The following MAPK6 variants were observed in gnomAD, a reference collection of about 807,000 sequenced individuals.
MAPK6 encodes mitogen-activated protein kinase 6.
A neutral mutation model predicts 59.3 loss-of-function variants in MAPK6; 19 were observed. The ratio of observed to expected loss-of-function variants is 0.32; its 90% confidence interval spans 0.22 to 0.47. The LOEUF is 0.47. Ranked by LOEUF, MAPK6 falls within the 20% of genes least tolerant of loss-of-function variation. The probability of loss-of-function intolerance (pLI) is 1.00; values close to 1 mark genes in which losing one functional copy is unlikely to be tolerated. For missense variants in MAPK6, 724 were observed against 847.9 expected, an observed-to-expected ratio of 0.85 and a Z score of 1.81; for synonymous variants, 316 against 290.3, an observed-to-expected ratio of 1.09 and a Z score of -0.90.
In MAPK6 at chr15:51,995,238, AGCGACCCTTGG is replaced by A. The variant is rs557363581; in HGVS notation, c.-769-9024_-769-9014del. Among the ~76,000 whole-genome samples the A allele has an allele frequency of 2.0e-4, 30 of 152,346 alleles. No homozygotes were observed. The East Asian group carries it at 5.4e-3, about 27-fold the overall frequency. ...ACCTCATGAGGAGCTCTGGAGCTAC[AGCGACCCTTGG>A]GCATTGTCCCAAACCAGCCTGAAAG... On this transcript the variant is annotated intron_variant, in intron 2 of 7. Coordinates refer to the MAPK6 transcript ENST00000691380.
At chr15:52,050,270 G>A (rs1323352568) in intron 3 of MAPK6, 133 bp downstream of exon 3, 10 of 788,956 alleles carry the variant, frequency 1.3e-5, no homozygotes, top group African/African-American at 3.7e-5. Flanking sequence ...ATAAATTGGC[G>A]TTTTTAATAA....
At chr15:52,022,083 G>A (rs1458871710) in intron 1 of MAPK6, among the ~76,000 whole-genome samples, 4 of 152,094 alleles carry the variant, frequency 2.6e-5, no homozygotes, top group African/African-American at 9.7e-5. Context: ...CGGCACTTTG[G>A]GAGCCTGAGG....
upstream of MAPK6, among the ~76,000 whole-genome samples, chr15:52,015,586 T>A (rs953190210): frequency 6.8e-6 from 1 of 148,094 alleles, no homozygotes; most frequent in African/African-American, 2.5e-5. Context: ...CAAGCAATTC[T>A]CCTGCCTCAA....
chr15:52,033,660 G>A (rs1029365846), intron 1 of MAPK6: 1 of 152,084 alleles, frequency 6.6e-6, no homozygotes, highest in African/African-American at 2.4e-5. Context: ...GCTTGACGTG[G>A]GACTTCTTCG....
At chr15:52,028,397 C>T (rs1407741212) in intron 1 of MAPK6, among the ~76,000 whole-genome samples, 2 of 152,104 alleles carry the variant, frequency 1.3e-5, no homozygotes, top group Admixed American at 6.5e-5. Flanking sequence ...AGCCTGTTGA[C>T]TTCTTAAGGA....
chr15:52,021,735 A>G (rs2030536629), intron 1 of MAPK6, among the ~76,000 whole-genome samples: 1 of 152,150 alleles, frequency 6.6e-6, no homozygotes, highest in Non-Finnish European at 1.5e-5. Flanking sequence ...AGTTATCTTT[A>G]TATTTAATAT....
chr15:52,018,724 G>T (rs2030354021), upstream of MAPK6: 5 of 152,626 alleles, frequency 3.3e-5, no homozygotes, highest in African/African-American at 1.2e-4. Flanking sequence ...GCTCCTCCGG[G>T]ATCCAGCTGA....
chr15:52,026,179 C>T (rs372198509), intron 1 of MAPK6, among the ~76,000 whole-genome samples: 3 of 152,198 alleles, frequency 2.0e-5, no homozygotes, highest in East Asian at 3.8e-4. Context: ...TGCCTCTGGC[C>T]TAGTCCCTCT....
chr15:52,041,826 A>G (rs1167567890), intron 1 of MAPK6, among the ~76,000 whole-genome samples: 2 of 152,138 alleles, frequency 1.3e-5, no homozygotes, highest in Non-Finnish European at 2.9e-5. Flanking sequence ...TCAGACCCCC[A>G]GTGTGCAGAT....
At chr15:52,056,849 T>A (rs547118536) in intron 3 of MAPK6, 1 of 135,216 alleles carries the variant, frequency 7.4e-6, no homozygotes, top group Admixed American at 7.7e-5. Context: ...ACTCCTGAAT[T>A]TATGATGACT....
intron 2 of MAPK6, among the ~76,000 whole-genome samples, 188 bp from the exon 3 acceptor site, chr15:52,049,805 G>C (rs1268787738): frequency 6.6e-6 from 1 of 151,860 alleles, no homozygotes; most frequent in Non-Finnish European, 1.5e-5. Context: ...GTAGAGATGG[G>C]GTTTCTCCGG....
In MAPK6 at chr15:52,065,728, A is replaced by G. The variant is rs1316332757; in HGVS notation, c.*728A>G. ...ATAAAAAATTAACTTAGTTTTTAAA[A>G]TTTATTTGCAAATATACTTTACTTT... On this transcript the variant is annotated 3_prime_UTR_variant, in exon 6 of 6. Transcript: ENST00000261845. 6 of 97,560 alleles carry G rather than the reference A, an allele frequency of 6.2e-5. No homozygotes were observed. The highest frequency in any genetic ancestry group is 2.8e-4 in the South Asian group (1 of 3,628). 6.0% of individuals were successfully genotyped at this position (97,560 alleles called of 1,614,324 possible).
At chr15:52,014,066 G>A (rs2030165252) in intron 3 of MAPK6, among the ~76,000 whole-genome samples, 1 of 149,274 alleles carries the variant, frequency 6.7e-6, no homozygotes, top group Admixed American at 6.7e-5. Context: ...TCTTTCATCT[G>A]GGATTTTTTT....
chr15:52,016,070 G>GCGCGCGCGCACA, upstream of MAPK6, among the ~76,000 whole-genome samples: 396 of 55,418 alleles, frequency 7.1e-3, 14 homozygotes, highest in Middle Eastern at 0.021. Flanking sequence ...GCGCGCGCGC[G>GCGCGCGCGCACA]CACACACACA....
rs1191655647 is a variant in MAPK6, at chr15:52,046,306, T to G, written c.-155T>G. ...CTAAGGGGAACTCGACAGGCCTGTT[T>G]GGCATATGCAATGAACATCAAGAAA... On this transcript the variant is annotated 5_prime_UTR_variant, in exon 2 of 6. Transcript: ENST00000261845. 7 of 616,590 alleles carry G rather than the reference T, an allele frequency of 1.1e-5. No homozygotes were observed. In the South Asian group the frequency reaches 1.3e-4, roughly 11 times the overall value. 38.2% of individuals were successfully genotyped at this position (616,590 alleles called of 1,614,324 possible).
rs574240967 is a variant in MAPK6, at chr15:52,028,057, A to T, written c.-632+8681A>T. Among the ~76,000 whole-genome samples, 49 of 138,636 alleles carry T rather than the reference A, an allele frequency of 3.5e-4. 2 individuals are homozygous for T. In the South Asian group the frequency reaches 0.011, roughly 30 times the overall value. The allele number at this position is 138,636 out of a possible 152,430, so 91.0% of individuals were successfully genotyped here. On this transcript the variant is annotated intron_variant, in intron 1 of 5. Transcript: ENST00000261845. ...AAGCTCTGCCTCCCAGGTTCACGCC[A>T]TTCTTCTGCCTCAGCTTTCCGAGTA...
At chr15:51,987,066 A>G (rs34713698) in intron 2 of MAPK6, among the ~76,000 whole-genome samples, 28,723 of 152,210 alleles carry the variant, frequency 0.19, 3,390 homozygotes, top group East Asian at 0.4. Context: ...ACGTATTACC[A>G]TATGCACAGA....
At chr15:51,977,933 T>C (rs1023246023) in intron 1 of MAPK6, among the ~76,000 whole-genome samples, 25 of 151,856 alleles carry the variant, frequency 1.6e-4, no homozygotes, top group African/African-American at 6.0e-4. Flanking sequence ...CAGGAGACCA[T>C]AAATGGGTGC....
chr15:52,040,546 C>G (rs1441218929), intron 1 of MAPK6, among the ~76,000 whole-genome samples: 3 of 152,200 alleles, frequency 2.0e-5, no homozygotes, highest in African/African-American at 7.2e-5. Flanking sequence ...ATCTAGACTT[C>G]CTTTTTGACA....
Sources: allele counts gnomAD v4.1 joint callset (sites outside exome capture counted in the v4.1 genomes callset), GRCh38; gene constraint gnomAD v4.1.1; transcripts MANE v1.5; gene names NCBI Gene and HGNC (gene_info 2026-07-23, HGNC 2026-07-21).